DKK2: variants seen among roughly 807,000 people sequenced by gnomAD.
DKK2 encodes dickkopf Wnt signaling pathway inhibitor 2, also known as dickkopf-related protein 2.
DKK2 carries 11 observed loss-of-function variants against 28.1 expected under a neutral mutation model. The ratio of observed to expected loss-of-function variants is 0.39; its 90% CI spans 0.25 to 0.65. The LOEUF (loss-of-function observed/expected upper bound fraction) is 0.65, where lower values mean the gene tolerates loss of function less well. DKK2 is among the 30% of genes least tolerant of loss of function. The pLI is 0.47. For synonymous variants in DKK2, 135 were observed against 126.5 expected, an observed-to-expected ratio of 1.07 and a Z score of -0.45; for missense variants, 326 against 335.5, an observed-to-expected ratio of 0.97 and a Z score of 0.22.
rs1201425701 is a variant in DKK2, at chr4:106,924,143, A to G, written c.591T>C (p.Arg197=). The change falls in exon 4 of 4, where the codon CGT becomes CGC. Residue 197 remains arginine, a synonymous_variant. Coordinates refer to ENST00000285311, the MANE Select transcript of DKK2 (RefSeq NM_014421.3). ...GTTTGCAGATTTTGGTCCAGAAATG[A>G]CGAGCACAGCAAAACCCTTCAATGC... ...SDCIEGFCCA[R]HFWTKICKPV... 1.2e-6 allele frequency: 2 copies of G among 1,614,038 alleles called. No homozygotes were observed. Among genetic ancestry groups the G allele is most frequent in the Admixed American group, 1.7e-5 (1 of 60,004 alleles).
At chr4:106,951,333 G>T (rs1357589818) in intron 1 of DKK2, among the ~76,000 whole-genome samples, 1 of 152,014 alleles carries the variant, frequency 6.6e-6, no homozygotes, top group Admixed American at 6.6e-5. Context: ...CCACTATTGG[G>T]TATTTATTTA....
chr4:107,026,238 C>A (rs973010165), intron 1 of DKK2, among the ~76,000 whole-genome samples: 2 of 152,058 alleles, frequency 1.3e-5, no homozygotes, highest in South Asian at 4.1e-4. Context: ...TTTGAAGAAT[C>A]CTCTTACTTG....
Position 107,035,441 on chromosome 4 carries a change from C to A in DKK2, c.151G>T (p.Ala51Ser), listed in dbSNP as rs756982602. The A allele has an allele frequency of 3.1e-6, 5 of 1,614,066 alleles. No individual in the cohort carries two copies. Among genetic ancestry groups the A allele is most frequent in the East Asian group, 2.2e-5 (1 of 44,878 alleles). The change falls in exon 1 of 4, where the codon GCC becomes TCC. Residue 51 changes from alanine (A) to serine (S), a missense_variant. Transcript: ENST00000285311. ...SLGGETPGQA[A>S]NRSAGMYQGL... ...TGGTACATGCCCGCAGATCGATTGG[C>A]GGCCTGACCAGGCGTCTCCCCGCCC...
intron 1 of DKK2, among the ~76,000 whole-genome samples, chr4:107,008,009 C>CA (rs1480234962): frequency 2.0e-5 from 3 of 152,032 alleles, no homozygotes; most frequent in African/African-American, 4.8e-5. Flanking sequence ...TTCTTCCTGG[C>CA]AAAAACTTGT....
chr4:107,017,137 C>T (rs1285391552), intron 1 of DKK2, among the ~76,000 whole-genome samples: 1 of 151,808 alleles, frequency 6.6e-6, no homozygotes, highest in Admixed American at 6.6e-5. Flanking sequence ...TCTCTATTTC[C>T]CTAAGTATTT....
chr4:106,980,027 G>A (rs17037166), intron 1 of DKK2, among the ~76,000 whole-genome samples: 5 of 152,150 alleles, frequency 3.3e-5, no homozygotes, highest in East Asian at 1.9e-4. Context: ...CCATATCATG[G>A]TTACTGCTAT....
At position 107,019,712 on chromosome 4, in the gene DKK2, T is replaced by C. The variant is rs57941694; in HGVS notation, c.222+15658A>G. 2.7e-3 allele frequency among the ~76,000 whole-genome samples: 418 copies of C among 152,168 alleles called. 3 individuals are homozygous for C. The highest frequency in any genetic ancestry group is 9.7e-3 in the African/African-American group (404 of 41,530). ...TTATCCTAATGATTTTGTTCATCAT[T>C]GTGTTAAAAGCAGCAGTCAGTTTTG... On this transcript the variant is annotated intron_variant, in intron 1 of 3. Transcript: ENST00000285311.
intron 1 of DKK2, among the ~76,000 whole-genome samples, chr4:107,000,782 T>A (rs1410274175): frequency 6.6e-6 from 1 of 152,212 alleles, no homozygotes; most frequent in East Asian, 1.9e-4. Flanking sequence ...TTGTTTATTA[T>A]TTCCATTTTA....
In DKK2 at chr4:107,027,756, A is replaced by ATTTTTTTTTTTTTTTTTTTT. The variant is rs71590176; in HGVS notation, c.222+7613_222+7614insAAAAAAAAAAAAAAAAAAAA. On this transcript the variant is annotated intron_variant, in intron 1 of 3. Transcript: ENST00000285311. ...TTGCTTATGACCTCCACCTATTATG[A>ATTTTTTTTTTTTTTTTTTTT]TTTTTTTTTTTTTGAGACAGAGTCT... 1.3e-3 allele frequency among the ~76,000 whole-genome samples: 175 copies of ATTTTTTTTTTTTTTTTTTTT among 135,264 alleles called. 5 individuals are homozygous for ATTTTTTTTTTTTTTTTTTTT. Among genetic ancestry groups the ATTTTTTTTTTTTTTTTTTTT allele is most frequent in the African/African-American group, 4.6e-3 (168 of 36,302 alleles). 88.7% of individuals were successfully genotyped at this position (135,264 alleles called of 152,430 possible). A position where few individuals can be genotyped will look rare whatever the true frequency, so the allele number is the denominator to read the frequency against.
intron 1 of DKK2, among the ~76,000 whole-genome samples, chr4:106,952,851 A>C (rs1413177717): frequency 6.6e-6 from 1 of 152,162 alleles, no homozygotes; most frequent in East Asian, 1.9e-4. Context: ...TTTGGTTCAC[A>C]TGGTTAGCTG....
At chr4:106,955,023 G>A (rs1226090650) in intron 1 of DKK2, among the ~76,000 whole-genome samples, 1 of 152,164 alleles carries the variant, frequency 6.6e-6, no homozygotes. Context: ...TTCAATTGAA[G>A]AGACTTGAGA....
chr4:106,949,481 C>T (rs898851066), intron 1 of DKK2, among the ~76,000 whole-genome samples: 1 of 152,150 alleles, frequency 6.6e-6, no homozygotes, highest in Non-Finnish European at 1.5e-5. Flanking sequence ...TTTTATTTAT[C>T]TTCTGCCCAT....
intron 1 of DKK2, among the ~76,000 whole-genome samples, chr4:106,989,049 T>G (rs1304827969): frequency 6.6e-6 from 1 of 152,172 alleles, no homozygotes; most frequent in Non-Finnish European, 1.5e-5. Flanking sequence ...TTCCTGTAAG[T>G]GACCTGACAA....
chr4:106,952,889 T>A (rs905107825), intron 1 of DKK2, among the ~76,000 whole-genome samples: 2 of 152,160 alleles, frequency 1.3e-5, no homozygotes, highest in Non-Finnish European at 2.9e-5. Context: ...CTGTTTTTGT[T>A]AGTATAAATT....
intron 1 of DKK2, among the ~76,000 whole-genome samples, chr4:107,034,332 C>G (rs1008039843): frequency 2.0e-4 from 31 of 151,858 alleles, no homozygotes; most frequent in African/African-American, 7.3e-4. Flanking sequence ...GTGCGAGGTG[C>G]GTGTGCCATT....
chr4:106,925,713 A>G, intron 2 of DKK2, 86 bp downstream of exon 2: 1 of 1,496,208 alleles, frequency 6.7e-7, no homozygotes. Context: ...CAGGAGTCTG[A>G]GTAAGGAGAC....
At chr4:106,970,171 G>T (rs1722850357) in intron 1 of DKK2, among the ~76,000 whole-genome samples, 1 of 152,026 alleles carries the variant, frequency 6.6e-6, no homozygotes, top group African/African-American at 2.4e-5. Context: ...GGACAATATT[G>T]TTGTCTACTT....
At chr4:107,001,732 C>G (rs933921967) in intron 1 of DKK2, among the ~76,000 whole-genome samples, 1 of 152,068 alleles carries the variant, frequency 6.6e-6, no homozygotes, top group South Asian at 2.1e-4. Context: ...TGTTCTCACT[C>G]AGAAGACAAT....
At chr4:106,956,834 A>C (rs1722601020) in intron 1 of DKK2, among the ~76,000 whole-genome samples, 2 of 151,424 alleles carry the variant, frequency 1.3e-5, no homozygotes, top group South Asian at 2.1e-4. Flanking sequence ...TTCAGGACAT[A>C]GGCATGGGCA....
Sources: allele counts gnomAD v4.1 joint callset (sites outside exome capture counted in the v4.1 genomes callset), GRCh38; gene constraint gnomAD v4.1.1; transcripts MANE v1.5; gene names NCBI Gene and HGNC (gene_info 2026-07-23, HGNC 2026-07-21).